Variants in COL25A1 observed in about 807,000 individuals in gnomAD.
COL25A1 encodes collagen alpha-1(XXV) chain.
In COL25A1, 103 loss-of-function variants were observed where a neutral mutation model predicts 128.4. The ratio of observed to expected loss-of-function variants is 0.80; its 90% CI spans 0.68 to 0.94. The LOEUF is 0.94. COL25A1 is among the 40% of genes least tolerant of loss of function. COL25A1 has a pLI of 0.00. For missense variants in COL25A1, 745 were observed against 840.0 expected, an observed-to-expected ratio of 0.89 and a Z score of 1.40; for synonymous variants, 279 against 277.2, an observed-to-expected ratio of 1.01 and a Z score of -0.06.
rs1724287046 is a variant in COL25A1, at chr4:109,289,834, T to TG, written c.367+10748_367+10749insC. On this transcript the variant is annotated intron_variant, in intron 3 of 37. Coordinates refer to ENST00000399132, the MANE Select transcript of COL25A1 (RefSeq NM_198721.4). ...GTCCACTCTGCTTGCCAACCACGGA[T>TG]CACGTTAGGGCAATGCTTGTTGATT... Among the ~76,000 whole-genome samples, 3 of 152,092 alleles carry TG rather than the reference T, an allele frequency of 2.0e-5. No individual in the cohort carries two copies. In the South Asian group the frequency reaches 6.2e-4, roughly 31 times the overall value.
chr4:109,297,744 C>G (rs1725109569), intron 3 of COL25A1, among the ~76,000 whole-genome samples: 1 of 151,266 alleles, frequency 6.6e-6, no homozygotes, highest in South Asian at 2.1e-4. Context: ...AGCTAAGTAG[C>G]ATATAATATA....
At chr4:108,939,247 G>T (rs933095466) in intron 10 of COL25A1, among the ~76,000 whole-genome samples, 3 of 152,176 alleles carry the variant, frequency 2.0e-5, no homozygotes, top group African/African-American at 7.2e-5. Context: ...TAAAGCTGTG[G>T]ATCTCTCTAC....
intron 11 of COL25A1, among the ~76,000 whole-genome samples, chr4:108,924,958 C>T (rs551612663): frequency 1.1e-4 from 16 of 152,160 alleles, no homozygotes; most frequent in Non-Finnish European, 1.9e-4. Flanking sequence ...CAAAGCACCC[C>T]TATGATGTTT....
chr4:109,047,833 C>T (rs937614880), intron 5 of COL25A1, among the ~76,000 whole-genome samples: 3 of 150,102 alleles, frequency 2.0e-5, no homozygotes, highest in African/African-American at 7.4e-5. Flanking sequence ...CCCGGGTTCA[C>T]GCCATTCTCC....
At chr4:108,950,661 G>C (rs897888661) in intron 8 of COL25A1, among the ~76,000 whole-genome samples, 1 of 152,150 alleles carries the variant, frequency 6.6e-6, no homozygotes, top group Non-Finnish European at 1.5e-5. Flanking sequence ...CTTCAACTTG[G>C]GCAAGGTCAG....
intron 18 of COL25A1, among the ~76,000 whole-genome samples, chr4:108,886,375 C>T (rs1341190563): frequency 6.6e-6 from 1 of 151,866 alleles, no homozygotes; most frequent in East Asian, 1.9e-4. Context: ...GGGCCACATG[C>T]AGCCCAGGAT....
intron 3 of COL25A1, among the ~76,000 whole-genome samples, chr4:109,274,256 A>G (rs1276113544): frequency 6.6e-6 from 1 of 152,188 alleles, no homozygotes; most frequent in Non-Finnish European, 1.5e-5. Flanking sequence ...CCAATTCTCT[A>G]ATTAAACATA....
intron 6 of COL25A1, among the ~76,000 whole-genome samples, chr4:109,002,946 C>A (rs1017032130): frequency 2.0e-5 from 3 of 152,096 alleles, no homozygotes; most frequent in Non-Finnish European, 2.9e-5. Context: ...TGACCCCTGA[C>A]AGGTTGCAGT....
rs116241200 is a variant in COL25A1, at chr4:108,953,673, G to C, written c.493-12236C>G. Among the ~76,000 whole-genome samples the C allele has an allele frequency of 2.7e-3, 417 of 152,162 alleles. 4 individuals are homozygous for C. The highest frequency in any genetic ancestry group is 9.7e-3 in the African/African-American group (403 of 41,520). On this transcript the variant is annotated intron_variant, in intron 8 of 37. Transcript: ENST00000399132. ...ACCTAGTGTGGCTACATCTTCACCTGCTCCATGAGAAACAAGAAATGAAAG... is the reference window on the plus strand; with the variant it reads ...ACCTAGTGTGGCTACATCTTCACCTCCTCCATGAGAAACAAGAAATGAAAG...
chr4:108,831,162 GT>G (rs72007836), intron 32 of COL25A1, among the ~76,000 whole-genome samples: 1,619 of 150,736 alleles, frequency 0.011, 31 homozygotes, highest in African/African-American at 0.038. Flanking sequence ...AAGAATAGCT[GT>G]TTTTTTTGCA....
chr4:108,939,147 C>T (rs1469808341), intron 10 of COL25A1, among the ~76,000 whole-genome samples: 1 of 152,118 alleles, frequency 6.6e-6, no homozygotes, highest in Non-Finnish European at 1.5e-5. Context: ...GACTAATGTA[C>T]CATCAAAATG....
intron 3 of COL25A1, among the ~76,000 whole-genome samples, chr4:109,101,724 T>C (rs1765909476): frequency 6.6e-6 from 1 of 152,150 alleles, no homozygotes; most frequent in East Asian, 1.9e-4. Flanking sequence ...CATGAAATGC[T>C]CTCCACTCAG....
At chr4:109,198,789 T>C (rs1560853743) in intron 3 of COL25A1, among the ~76,000 whole-genome samples, 1 of 152,204 alleles carries the variant, frequency 6.6e-6, no homozygotes, top group Non-Finnish European at 1.5e-5. Context: ...GCTACAAATG[T>C]CTGGGATGCT....
intron 3 of COL25A1, among the ~76,000 whole-genome samples, chr4:109,162,917 A>T (rs182258560): frequency 4.1e-4 from 62 of 152,308 alleles, no homozygotes; most frequent in Admixed American, 4.0e-3. Flanking sequence ...GAGCCAGTGG[A>T]TAAGTCGTTC....
intron 31 of COL25A1, 149 bp downstream of exon 31, chr4:108,841,546 T>G: frequency 1.6e-6 from 1 of 621,044 alleles, no homozygotes; most frequent in Non-Finnish European, 2.8e-6. Flanking sequence ...TTTTGTGTTA[T>G]GAGATTTAAA....
intron 3 of COL25A1, among the ~76,000 whole-genome samples, chr4:109,173,600 C>G (rs548527022): frequency 6.6e-6 from 1 of 151,802 alleles, no homozygotes; most frequent in Non-Finnish European, 1.5e-5. Context: ...TATGAGCCAC[C>G]AAATGGCAAA....
intron 3 of COL25A1, among the ~76,000 whole-genome samples, chr4:109,197,055 C>T (rs1776098849): frequency 6.6e-6 from 1 of 151,830 alleles, no homozygotes; most frequent in Admixed American, 6.6e-5. Context: ...CAGTGGCTCA[C>T]ACCTGTAATC....
chr4:108,984,620 A>AG (rs1336408573), intron 6 of COL25A1, among the ~76,000 whole-genome samples: 1 of 152,206 alleles, frequency 6.6e-6, no homozygotes, highest in East Asian at 1.9e-4. Flanking sequence ...TGCCCGCGGC[A>AG]GGTGGGGCCA....
intron 3 of COL25A1, among the ~76,000 whole-genome samples, chr4:109,227,211 C>T (rs538262120): frequency 6.6e-6 from 1 of 151,938 alleles, no homozygotes; most frequent in Non-Finnish European, 1.5e-5. Context: ...TTCTTATCCA[C>T]AGAGTCAACA....
Sources: allele counts gnomAD v4.1 joint callset (sites outside exome capture counted in the v4.1 genomes callset), GRCh38; gene constraint gnomAD v4.1.1; transcripts MANE v1.5; gene names NCBI Gene and HGNC (gene_info 2026-07-23, HGNC 2026-07-21).